LUZP2: variants seen among roughly 807,000 people sequenced by gnomAD.
The protein encoded by LUZP2 is leucine zipper protein 2.
In LUZP2, 52 loss-of-function variants were observed where a neutral mutation model predicts 51.6. The ratio of observed to expected loss-of-function variants is 1.01; its 90% confidence interval spans 0.81 to 1.27. The LOEUF is 1.27. Ranked by LOEUF, LUZP2 falls within the 50% of genes most tolerant of loss-of-function variation. The probability of loss-of-function intolerance (pLI) is 0.00; values close to 1 mark genes in which losing one functional copy is unlikely to be tolerated. For missense variants in LUZP2, 436 were observed against 395.4 expected, an observed-to-expected ratio of 1.10 and a Z score of -0.87; for synonymous variants, 154 against 137.3, an observed-to-expected ratio of 1.12 and a Z score of -0.85.
chr11:25,031,825 A>G (rs1372529246), intron 9 of LUZP2, among the ~76,000 whole-genome samples: 1 of 152,116 alleles, frequency 6.6e-6, no homozygotes, highest in Non-Finnish European at 1.5e-5. Flanking sequence ...ATCCCTTATT[A>G]TTTCTTCTTG....
At chr11:24,520,991 A>T (rs1850621570) in intron 1 of LUZP2, among the ~76,000 whole-genome samples, 1 of 152,180 alleles carries the variant, frequency 6.6e-6, no homozygotes, top group Non-Finnish European at 1.5e-5. Context: ...AGTTCCCTAG[A>T]TATGTATTTC....
At chr11:24,776,718 A>G (rs957351652) in intron 5 of LUZP2, among the ~76,000 whole-genome samples, 23 of 152,068 alleles carry the variant, frequency 1.5e-4, no homozygotes, top group Non-Finnish European at 2.4e-4. Flanking sequence ...TTCATCTTTT[A>G]TATTTACTTA....
At chr11:24,943,299 G>A (rs1854805488) in intron 7 of LUZP2, among the ~76,000 whole-genome samples, 1 of 152,164 alleles carries the variant, frequency 6.6e-6, no homozygotes, top group African/African-American at 2.4e-5. Flanking sequence ...ACGTAGCAGA[G>A]AAACAAATGC....
chr11:24,935,874 T>C (rs1484815503), intron 7 of LUZP2, among the ~76,000 whole-genome samples: 1 of 152,204 alleles, frequency 6.6e-6, no homozygotes, highest in Non-Finnish European at 1.5e-5. Context: ...TTATATCTTT[T>C]ATCCTAATGG....
At chr11:24,534,151 GT>G (rs1384196864) in intron 1 of LUZP2, among the ~76,000 whole-genome samples, 1 of 151,120 alleles carries the variant, frequency 6.6e-6, no homozygotes, top group Non-Finnish European at 1.5e-5. Context: ...GAGTGTTGGA[GT>G]TTTAAGTTGT....
intron 7 of LUZP2, among the ~76,000 whole-genome samples, chr11:24,930,152 T>G (rs1471938769): frequency 6.6e-6 from 1 of 152,170 alleles, no homozygotes. Context: ...TTGAAGATAG[T>G]AGATACTTGG....
intron 7 of LUZP2, among the ~76,000 whole-genome samples, chr11:24,973,253 T>C (rs1221811991): frequency 4.6e-5 from 7 of 151,344 alleles, no homozygotes; most frequent in Non-Finnish European, 8.9e-5. Context: ...TATTCTCTGA[T>C]TTTTTTGTAT....
At chr11:24,911,686 T>C (rs1172471993) in intron 6 of LUZP2, among the ~76,000 whole-genome samples, 1 of 152,210 alleles carries the variant, frequency 6.6e-6, no homozygotes, top group Admixed American at 6.5e-5. Flanking sequence ...TATTTCCTTA[T>C]AGCAGTGTGA....
chr11:24,735,746 G>T (rs1236734505), intron 3 of LUZP2, among the ~76,000 whole-genome samples: 1 of 151,842 alleles, frequency 6.6e-6, no homozygotes, highest in Non-Finnish European at 1.5e-5. Context: ...CAATATTTGA[G>T]CTATCTATCA....
chr11:24,806,563 T>C (rs893601104), intron 5 of LUZP2, among the ~76,000 whole-genome samples: 4 of 152,114 alleles, frequency 2.6e-5, no homozygotes, highest in Non-Finnish European at 4.4e-5. Context: ...TAGTAATTTA[T>C]TTAGAAAAAT....
intron 9 of LUZP2, among the ~76,000 whole-genome samples, chr11:25,031,776 T>C (rs1039280966): frequency 2.0e-5 from 3 of 152,126 alleles, no homozygotes; most frequent in Non-Finnish European, 4.4e-5. Flanking sequence ...ATTTAACATA[T>C]ACCATTGTTA....
chr11:24,608,051 G>T (rs1853992824), intron 1 of LUZP2, among the ~76,000 whole-genome samples: 1 of 151,846 alleles, frequency 6.6e-6, no homozygotes, highest in Admixed American at 6.6e-5. Flanking sequence ...GGGTTTCACC[G>T]TGTTATGCAG....
At chr11:25,020,216 G>T (rs1857292092) in intron 9 of LUZP2, among the ~76,000 whole-genome samples, 1 of 152,022 alleles carries the variant, frequency 6.6e-6, no homozygotes, top group South Asian at 2.1e-4. Flanking sequence ...TTTTACTTTG[G>T]GGAAAATTAT....
intron 9 of LUZP2, among the ~76,000 whole-genome samples, chr11:25,024,128 G>T (rs1857416875): frequency 6.6e-6 from 1 of 152,112 alleles, no homozygotes; most frequent in African/African-American, 2.4e-5. Context: ...GGGGTGGAGA[G>T]TTCTGTAGAT....
Position 25,049,317 on chromosome 11 carries a change from A to G in LUZP2, c.766-721A>G, listed in dbSNP as rs145279465. Reference sequence around the variant, plus strand: ...GATTGAGGAGCTGAGTGAAACACCAATATTCAAATTAGCTCTTCCCAAGAA... The same window carrying G: ...GATTGAGGAGCTGAGTGAAACACCAGTATTCAAATTAGCTCTTCCCAAGAA... On this transcript the variant is annotated intron_variant, in intron 9 of 11. Transcript: ENST00000336930. Among the ~76,000 whole-genome samples the G allele has an allele frequency of 2.2e-3, 333 of 152,330 alleles. 2 individuals carry two copies. The highest frequency in any genetic ancestry group is 3.0e-3 in the Non-Finnish European group (205 of 68,028).
At chr11:24,517,111 C>T (rs547082838) in intron 1 of LUZP2, among the ~76,000 whole-genome samples, 1 of 152,096 alleles carries the variant, frequency 6.6e-6, no homozygotes, top group South Asian at 2.1e-4. Context: ...TGCATGAAAT[C>T]TTATTTGAAA....
chr11:24,747,542 C>A (rs559761706), intron 4 of LUZP2, among the ~76,000 whole-genome samples: 1 of 152,198 alleles, frequency 6.6e-6, no homozygotes, highest in East Asian at 1.9e-4. Flanking sequence ...CAGCACGAGG[C>A]CCTTTCCAGA....
At chr11:24,994,156 GC>G (rs1271052568) in intron 9 of LUZP2, among the ~76,000 whole-genome samples, 1 of 106,704 alleles carries the variant, frequency 9.4e-6, no homozygotes, top group Non-Finnish European at 1.8e-5. Flanking sequence ...ACTGCACCTG[GC>G]CCTTTTTTTT....
chr11:24,861,731 G>A (rs993969725), intron 5 of LUZP2, among the ~76,000 whole-genome samples: 7 of 152,164 alleles, frequency 4.6e-5, no homozygotes, highest in Non-Finnish European at 7.3e-5. Context: ...CAAGCCTGGA[G>A]CAAACACAGT....
Sources: gnomAD v4.1 joint callset for allele counts (sites outside exome capture counted in the v4.1 genomes callset) on GRCh38, gnomAD v4.1.1 for gene constraint, MANE v1.5 for transcripts, NCBI Gene and HGNC (gene_info 2026-07-23, HGNC 2026-07-21) for gene names.